The following TUBA1B variants were observed in gnomAD, a reference collection of about 807,000 sequenced individuals.
TUBA1B encodes the protein tubulin alpha 1b, also known as tubulin alpha-1B chain.
TUBA1B carries 1 observed loss-of-function variant against 34.4 expected under a neutral mutation model. That is an observed-to-expected ratio of 0.03 (90% confidence interval 0.01 to 0.14). The LOEUF (loss-of-function observed/expected upper bound fraction) is 0.14. Among genes scored for constraint, TUBA1B ranks in the 10% least tolerant of loss-of-function variants. The probability of loss-of-function intolerance (pLI) is 1.00; values close to 1 mark genes in which losing one functional copy is unlikely to be tolerated. For synonymous variants in TUBA1B, 197 were observed against 212.5 expected, an observed-to-expected ratio of 0.93 and a Z score of 0.64; for missense variants, 54 against 583.6, an observed-to-expected ratio of 0.09 and a Z score of 9.35.
chr12:49,128,363 C>T lies in TUBA1B; in HGVS notation c.951G>A (p.Leu317=), dbSNP rs1262806189. 4 of 1,613,960 alleles carry T rather than the reference C, an allele frequency of 2.5e-6. No individual in the cohort carries two copies. Among genetic ancestry groups the T allele is most frequent in the Non-Finnish European group, 3.4e-6 (4 of 1,179,960 alleles). ...PRHGKYMACC[L]LYRGDVVPKD... ...TGGGAACCACGTCACCACGGTACAA[C>T]AGGCAGCAAGCCATGTATTTACCAT... The change falls in exon 4 of 4, where the codon CTG becomes CTA. Residue 317 remains leucine (L), a synonymous_variant. Coordinates refer to ENST00000336023, the MANE Select transcript of TUBA1B (RefSeq NM_006082.3). The surrounding 1 kb of genome is among the most constrained non-coding windows in gnomAD (Gnocchi z 8.1).
chr12:49,131,281 C>G lies in TUBA1B; in HGVS notation c.3+17G>C. 2 of 1,608,918 alleles carry G rather than the reference C, an allele frequency of 1.2e-6. No homozygotes were observed. The highest frequency in any genetic ancestry group is 2.2e-5 in the South Asian group (2 of 89,970). On this transcript the variant is annotated intron_variant, in intron 1 of 3. Transcript: ENST00000336023. Reference sequence around the variant, plus strand: ...CTGCTTCCCTGAAAGCAGCCGGGAGCCGCACGGCTTACTCACCATAGTGGC... The same window carrying G: ...CTGCTTCCCTGAAAGCAGCCGGGAGGCGCACGGCTTACTCACCATAGTGGC...
At position 49,130,341 on chromosome 12, in the gene TUBA1B, G is replaced by T. The variant is rs1191727239; in HGVS notation, c.4-619C>A. The T allele has an allele frequency of 4.7e-6, 6 of 1,289,088 alleles. No homozygotes were observed. The African/African-American group carries it at 7.6e-5, about 16-fold the overall frequency. 79.9% of individuals were successfully genotyped at this position (1,289,088 alleles called of 1,614,324 possible). On this transcript the variant is annotated intron_variant, in intron 1 of 3. Coordinates refer to ENST00000336023, the MANE Select transcript of TUBA1B (RefSeq NM_006082.3). ...GTCTGTCCGCAGGGACAAGGGGCGGGGCTCTGCGGCACAGGATGAATGAGC... is the reference window on the plus strand; with the variant it reads ...GTCTGTCCGCAGGGACAAGGGGCGGTGCTCTGCGGCACAGGATGAATGAGC...
chr12:49,130,293 G>C, intron 1 of TUBA1B: 1 of 1,289,228 alleles, frequency 7.8e-7, no homozygotes, highest in Non-Finnish European at 1.0e-6. Flanking sequence ...GGAAGCACGT[G>C]GCCAGACCAG....
At chr12:49,129,083 T>C in intron 3 of TUBA1B, 145 bp from the exon 4 acceptor site, 2 of 1,535,810 alleles carry the variant, frequency 1.3e-6, no homozygotes, top group Non-Finnish European at 1.8e-6. Flanking sequence ...AAACTGTCCA[T>C]AACCTAGGGA....
intron 1 of TUBA1B, chr12:49,130,034 G>T (rs1028053390): frequency 1.7e-6 from 2 of 1,161,924 alleles, no homozygotes; most frequent in Non-Finnish European, 2.3e-6. Context: ...TTTCTAAAGC[G>T]ATCTTTTCTA....
intron 1 of TUBA1B, chr12:49,130,440 T>C (rs1941790090): frequency 1.9e-6 from 2 of 1,067,908 alleles, no homozygotes; most frequent in Non-Finnish European, 2.5e-6. Context: ...GCAAAGGCGC[T>C]GCCCAAGCCG....
At chr12:49,129,106 G>C in intron 3 of TUBA1B, 136 bp downstream of exon 3, 1 of 1,559,864 alleles carries the variant, frequency 6.4e-7, no homozygotes, top group Non-Finnish European at 8.7e-7. Context: ...ATCTGATTTA[G>C]AAGTCCAATT....
intron 1 of TUBA1B, chr12:49,130,487 T>A: frequency 1.9e-6 from 1 of 538,210 alleles, no homozygotes; most frequent in Non-Finnish European, 3.1e-6. Flanking sequence ...GGGCTCAGCC[T>A]AACACCTCCA....
At chr12:49,129,812 T>G (rs961947991) in intron 1 of TUBA1B, 90 bp from the exon 2 acceptor site, 3 of 1,572,026 alleles carry the variant, frequency 1.9e-6, no homozygotes, top group Non-Finnish European at 2.6e-6. Context: ...TTTATTTTTT[T>G]AGAGATAAGG....
chr12:49,129,485 C>G lies in TUBA1B; in HGVS notation c.226+15G>C. Reference sequence around the variant, plus strand: ...CCCAGCATCCTGGGATCTCAGGTTACTGAGGTCAACTCACCAATGACTGTG... The same window carrying G: ...CCCAGCATCCTGGGATCTCAGGTTAGTGAGGTCAACTCACCAATGACTGTG... On this transcript the variant is annotated intron_variant, in intron 2 of 3. Transcript: ENST00000336023. 1 of 1,614,120 alleles carries G rather than the reference C, an allele frequency of 6.2e-7. No homozygotes were observed. Among genetic ancestry groups the G allele is most frequent in the Non-Finnish European group, 8.5e-7 (1 of 1,179,970 alleles).
intron 1 of TUBA1B, chr12:49,130,385 T>G: frequency 7.8e-7 from 1 of 1,283,194 alleles, no homozygotes; most frequent in Non-Finnish European, 1.0e-6. Context: ...GCGCGCGCTC[T>G]TGCGCCCCCC....
intron 1 of TUBA1B, chr12:49,130,875 T>C (rs1425075347): frequency 5.8e-6 from 1 of 172,682 alleles, no homozygotes; most frequent in South Asian, 1.2e-4. Flanking sequence ...TGTCTCCAGC[T>C]GCTTCCCACC....
At chr12:49,130,154 C>A in intron 1 of TUBA1B, 3 of 1,221,490 alleles carry the variant, frequency 2.5e-6, no homozygotes, top group South Asian at 1.4e-5. Context: ...TCCTTCCAGA[C>A]CAAGACAGCT....
At chr12:49,130,410 G>C in intron 1 of TUBA1B, 1 of 1,239,480 alleles carries the variant, frequency 8.1e-7, no homozygotes, top group Non-Finnish European at 1.1e-6. Context: ...GTGCTGCAGA[G>C]GCACGAAATG....
At position 49,128,981 on chromosome 12, in the gene TUBA1B, CATT is replaced by C. The variant is rs1941771396; in HGVS notation, c.376-46_376-44del. The C allele has an allele frequency of 1.3e-6, 2 of 1,556,140 alleles. No homozygotes were observed. Among genetic ancestry groups the C allele is most frequent in the African/African-American group, 2.8e-5 (2 of 72,470 alleles). On this transcript the variant is annotated intron_variant, in intron 3 of 3. Transcript: ENST00000336023. The surrounding 1 kb of genome is among the most constrained non-coding windows in gnomAD (Gnocchi z 8.1). ...AATGTAATATTTTAATGCCAGGACACATTATCTTAGAATTTCTATTTCAACTTT... is the reference window on the plus strand; with the variant it reads ...AATGTAATATTTTAATGCCAGGACACATCTTAGAATTTCTATTTCAACTTT...
chr12:49,129,818 T>C, intron 1 of TUBA1B, 96 bp from the exon 2 acceptor site: 2 of 1,552,884 alleles, frequency 1.3e-6, no homozygotes. Flanking sequence ...TTTTTAGAGA[T>C]AAGGTCTGTC....
At position 49,127,826 on chromosome 12, in the gene TUBA1B, T is replaced by G; in HGVS notation, c.*132A>C. The G allele has an allele frequency of 7.3e-7, 1 of 1,370,988 alleles. No homozygotes were observed. Among genetic ancestry groups the G allele is most frequent in the East Asian group, 2.3e-5 (1 of 43,090 alleles). The allele number at this position is 1,370,988 out of a possible 1,614,324, so 84.9% of individuals were successfully genotyped here. A position where few individuals can be genotyped will look rare whatever the true frequency, so the allele number is the denominator to read the frequency against. Reference sequence around the variant, plus strand: ...ACTTTGAGATATGATGGAAAAATATTACAGGTACACATGGAAAAGACATGA... The same window carrying G: ...ACTTTGAGATATGATGGAAAAATATGACAGGTACACATGGAAAAGACATGA... On this transcript the variant is annotated 3_prime_UTR_variant, in exon 4 of 4. Transcript: ENST00000336023.
At chr12:49,129,955 T>A in intron 1 of TUBA1B, 1 of 1,002,902 alleles carries the variant, frequency 1.0e-6, no homozygotes, top group Non-Finnish European at 1.4e-6. Flanking sequence ...AATTTTTTCA[T>A]TTTTTTTGTG....
chr12:49,131,393 A>C lies in TUBA1B; in HGVS notation c.-93T>G, dbSNP rs534556480. 2.0e-6 allele frequency: 3 copies of C among 1,495,840 alleles called. No homozygotes were observed. The highest frequency in any genetic ancestry group is 4.7e-5 in the East Asian group (2 of 42,646). 92.7% of individuals were successfully genotyped at this position (1,495,840 alleles called of 1,614,324 possible). On this transcript the variant is annotated 5_prime_UTR_variant, in exon 1 of 4. Coordinates refer to ENST00000336023, the MANE Select transcript of TUBA1B (RefSeq NM_006082.3). The stretch of plus-strand genomic sequence containing the variant: ...AGCTAAGAGTCGAGGTAAGTAACGC[A>C]CTAGGGCGGGGCCGGCGCTGGAGCC...
Sources: gnomAD v4.1 joint callset for allele counts on GRCh38, gnomAD v4.1.1 for gene constraint, Gnocchi (gnomAD v3.1) non-coding constraint, MANE v1.5 for transcripts, NCBI Gene and HGNC (gene_info 2026-07-23, HGNC 2026-07-21) for gene names.